KCNH7: variants seen among roughly 807,000 people sequenced by gnomAD.
KCNH7 encodes voltage-gated inwardly rectifying potassium channel KCNH7.
A neutral mutation model predicts 120.8 loss-of-function variants in KCNH7; 49 were observed. The ratio of observed to expected loss-of-function variants is 0.41; its 90% CI spans 0.32 to 0.51. The LOEUF (loss-of-function observed/expected upper bound fraction) is 0.51, where lower values mean the gene tolerates loss of function less well. Ranked by LOEUF, KCNH7 falls within the 20% of genes least tolerant of loss-of-function variation. The pLI is 0.38. For missense variants in KCNH7, 1,097 were observed against 1,446.6 expected (o/e 0.76, Z 3.92); for synonymous variants, 547 against 516.1 (o/e 1.06, Z -0.81).
chr2:162,510,452 A>G (rs752554976), intron 5 of KCNH7, among the ~76,000 whole-genome samples: 1 of 151,574 alleles, frequency 6.6e-6, no homozygotes, highest in Non-Finnish European at 1.5e-5. Context: ...AGGCACTAAC[A>G]CGGACTTCCC....
At chr2:162,719,386 T>G (rs1161997709) in intron 2 of KCNH7, among the ~76,000 whole-genome samples, 2 of 152,076 alleles carry the variant, frequency 1.3e-5, no homozygotes, top group Admixed American at 1.3e-4. Context: ...TTATTCTTGC[T>G]GAATGACATG....
At chr2:162,656,738 A>G (rs1237409304) in intron 2 of KCNH7, among the ~76,000 whole-genome samples, 1 of 152,210 alleles carries the variant, frequency 6.6e-6, no homozygotes, top group Non-Finnish European at 1.5e-5. Flanking sequence ...TGCATCAATG[A>G]TTAATTTTGA....
chr2:162,609,049 C>T (rs1400882342), intron 2 of KCNH7, among the ~76,000 whole-genome samples: 1 of 152,110 alleles, frequency 6.6e-6, no homozygotes, highest in Non-Finnish European at 1.5e-5. Flanking sequence ...CAGACACCGC[C>T]AGCCCCCCAA....
At chr2:162,754,219 A>T (rs909549475) in intron 2 of KCNH7, among the ~76,000 whole-genome samples, 1 of 152,064 alleles carries the variant, frequency 6.6e-6, no homozygotes, top group East Asian at 1.9e-4. Flanking sequence ...CAGAGAGGGG[A>T]GAAAGGAGAT....
chr2:162,758,588 CG>C (rs1296940687), intron 2 of KCNH7, among the ~76,000 whole-genome samples: 1 of 151,778 alleles, frequency 6.6e-6, no homozygotes, highest in Non-Finnish European at 1.5e-5. Context: ...TCTACATTTA[CG>C]TATCTACATA....
intron 2 of KCNH7, among the ~76,000 whole-genome samples, chr2:162,730,054 G>A (rs1375388405): frequency 6.6e-6 from 1 of 150,956 alleles, no homozygotes; most frequent in African/African-American, 2.4e-5. Flanking sequence ...AATACAACGT[G>A]TGAAAATTAT....
chr2:162,668,582 C>T (rs887934757), intron 2 of KCNH7, among the ~76,000 whole-genome samples: 15 of 152,000 alleles, frequency 9.9e-5, no homozygotes, highest in African/African-American at 3.4e-4. Flanking sequence ...TAGGGCTTGA[C>T]GTATGCAGGA....
At chr2:162,430,526 T>C (rs1316866620) in intron 8 of KCNH7, among the ~76,000 whole-genome samples, 2 of 152,086 alleles carry the variant, frequency 1.3e-5, no homozygotes, top group African/African-American at 4.8e-5. Context: ...CTCCCTTCTG[T>C]GTTCACTGTG....
intron 12 of KCNH7, among the ~76,000 whole-genome samples, chr2:162,390,586 C>T (rs929531435): frequency 6.6e-6 from 1 of 151,864 alleles, no homozygotes; most frequent in Non-Finnish European, 1.5e-5. Context: ...TTATTCTTCA[C>T]TTTCTGTAAT....
At position 162,626,654 on chromosome 2, in the gene KCNH7, G is replaced by A. The variant is rs138303948; in HGVS notation, c.308-89574C>T. Among the ~76,000 whole-genome samples the A allele has an allele frequency of 2.9e-3, 441 of 152,246 alleles. 1 individual carries two copies. The highest frequency in any genetic ancestry group is 0.01 in the African/African-American group (419 of 41,544). On this transcript the variant is annotated intron_variant, in intron 2 of 15. Transcript: ENST00000332142. ...TCCGAATTGTAGGCTAGCAGCATTGGCATTAGGAATAGGTGCTATCACTGC... is the reference window on the plus strand; with the variant it reads ...TCCGAATTGTAGGCTAGCAGCATTGACATTAGGAATAGGTGCTATCACTGC...
chr2:162,812,063 TGTGTGTGAGCAC>T (rs1255771943), intron 2 of KCNH7, among the ~76,000 whole-genome samples: 1 of 152,178 alleles, frequency 6.6e-6, no homozygotes, highest in African/African-American at 2.4e-5. Context: ...CACACGTGTG[TGTGTGTGAGCAC>T]ATGTGCACAC....
intron 2 of KCNH7, among the ~76,000 whole-genome samples, chr2:162,581,441 G>A (rs2105917154): frequency 6.6e-6 from 1 of 152,132 alleles, no homozygotes; most frequent in East Asian, 1.9e-4. Flanking sequence ...CAAGAATAGA[G>A]TCATTGTTTT....
At chr2:162,390,242 T>TTA (rs905681264) in intron 12 of KCNH7, among the ~76,000 whole-genome samples, 34 of 150,342 alleles carry the variant, frequency 2.3e-4, no homozygotes, top group African/African-American at 6.1e-4. Flanking sequence ...TATAATCGCA[T>TTA]TATATATATA....
At chr2:162,507,579 AT>A (rs1253591807) in intron 5 of KCNH7, among the ~76,000 whole-genome samples, 1 of 151,496 alleles carries the variant, frequency 6.6e-6, no homozygotes, top group African/African-American at 2.4e-5. Context: ...ATAACAAAGC[AT>A]GTTTGCAGGA....
chr2:162,578,823 T>C (rs1425644005), intron 2 of KCNH7, among the ~76,000 whole-genome samples: 3 of 151,960 alleles, frequency 2.0e-5, no homozygotes, highest in Non-Finnish European at 4.4e-5. Flanking sequence ...AAAATGAACA[T>C]CTTATGAGGA....
At chr2:162,624,161 A>G (rs990497296) in intron 2 of KCNH7, among the ~76,000 whole-genome samples, 2 of 152,140 alleles carry the variant, frequency 1.3e-5, no homozygotes, top group Non-Finnish European at 2.9e-5. Context: ...ATGACCCAGG[A>G]TCACCTGAAG....
intron 2 of KCNH7, among the ~76,000 whole-genome samples, chr2:162,542,086 T>A (rs1692325528): frequency 6.6e-6 from 1 of 151,862 alleles, no homozygotes; most frequent in Non-Finnish European, 1.5e-5. Flanking sequence ...GAGAAATAAA[T>A]TTAAAAGATA....
intron 3 of KCNH7, among the ~76,000 whole-genome samples, chr2:162,524,841 C>G (rs1357998083): frequency 6.6e-6 from 1 of 151,922 alleles, no homozygotes; most frequent in Admixed American, 6.6e-5. Flanking sequence ...TACTCCTACT[C>G]CTACATATGT....
rs373569061 is a variant in KCNH7, at chr2:162,581,387, A to G, written c.308-44307T>C. On this transcript the variant is annotated intron_variant, in intron 2 of 15. Coordinates refer to ENST00000332142, the MANE Select transcript of KCNH7 (RefSeq NM_033272.4). ...CTATTTTCAGAACTGCATGAAATAT[A>G]TGAATGGCTAAACAATACAACAATC... is the stretch of plus-strand genomic sequence containing the variant. Among the ~76,000 whole-genome samples the G allele has an allele frequency of 7.9e-5, 12 of 152,260 alleles. No individual in the cohort carries two copies. In the South Asian group the frequency reaches 2.3e-3, roughly 29 times the overall value.
Sources: gnomAD v4.1 joint callset for allele counts (sites outside exome capture counted in the v4.1 genomes callset) on GRCh38, gnomAD v4.1.1 for gene constraint, MANE v1.5 for transcripts, NCBI Gene and HGNC (gene_info 2026-07-23, HGNC 2026-07-21) for gene names.